The following RGL1 variants were observed in gnomAD, a reference collection of about 807,000 sequenced individuals.
RGL1 encodes the protein ral guanine nucleotide dissociation stimulator-like 1.
A neutral mutation model predicts 95.2 loss-of-function variants in RGL1; 24 were observed. The ratio of observed to expected loss-of-function variants is 0.25; its 90% CI spans 0.18 to 0.35. RGL1 has a LOEUF of 0.35. Among genes scored for constraint, RGL1 ranks in the 10% least tolerant of loss-of-function variants. The pLI is 1.00. For missense variants in RGL1, 715 were observed against 936.3 expected (o/e 0.76, Z 3.08); for synonymous variants, 329 against 344.9 (o/e 0.95, Z 0.51).
chr1:183,800,021 T>A (rs898776587), intron 2 of RGL1, among the ~76,000 whole-genome samples: 1 of 152,034 alleles, frequency 6.6e-6, no homozygotes, highest in Admixed American at 6.6e-5. Flanking sequence ...AAGAGACAAA[T>A]GAGAAAAATA....
chr1:183,653,304 T>C (rs1361824345), intron 1 of RGL1: 2 of 152,296 alleles, frequency 1.3e-5, no homozygotes, highest in Non-Finnish European at 2.9e-5. Flanking sequence ...TGGCTACCTC[T>C]AAGAACACTG....
At chr1:183,764,051 A>G (rs982679970) in intron 2 of RGL1, among the ~76,000 whole-genome samples, 1 of 152,220 alleles carries the variant, frequency 6.6e-6, no homozygotes. Context: ...AAGGAAGACA[A>G]TTGGCCTGAA....
chr1:183,910,004 T>C (rs935818550), intron 14 of RGL1, among the ~76,000 whole-genome samples: 5 of 152,346 alleles, frequency 3.3e-5, no homozygotes, highest in African/African-American at 1.2e-4. Flanking sequence ...TTGACTTCCA[T>C]GGTTACTTTT....
At chr1:183,647,828 C>A (rs763845580) in intron 1 of RGL1, 19 of 1,614,172 alleles carry the variant, frequency 1.2e-5, no homozygotes, top group Non-Finnish European at 1.6e-5. Context: ...TATTTAAGTG[C>A]CTTACGATAT....
chr1:183,658,109 T>A (rs1234492129), intron 1 of RGL1, among the ~76,000 whole-genome samples: 2 of 152,260 alleles, frequency 1.3e-5, no homozygotes, highest in Non-Finnish European at 2.9e-5. Context: ...AGCTCCAGTC[T>A]ACAGCTCCCA....
Position 183,897,874 on chromosome 1 carries a change from CG to C in RGL1, c.1209del (p.Leu404CysfsTer9). On this transcript the variant is annotated frameshift_variant, in exon 10 of 18. Coordinates refer to ENST00000360851, the MANE Select transcript of RGL1 (RefSeq NM_001297671.3). LOFTEE classifies it high-confidence loss of function. ...VKENQKRTQR[R>X]LQLQKDMGVM... Reference sequence around the variant, plus strand: ...AGAAAACCAGAAGCGTACCCAGAGGCGGCTGCAGCTCCAGAAGGACATGGTA... The same window carrying C: ...AGAAAACCAGAAGCGTACCCAGAGGCGCTGCAGCTCCAGAAGGACATGGTA... 1 of 1,613,920 alleles carries C rather than the reference CG, an allele frequency of 6.2e-7. No individual in the cohort carries two copies. Among genetic ancestry groups the C allele is most frequent in the Non-Finnish European group, 8.5e-7 (1 of 1,179,850 alleles).
At chr1:183,678,928 G>T (rs930551455) in intron 1 of RGL1, among the ~76,000 whole-genome samples, 1 of 152,148 alleles carries the variant, frequency 6.6e-6, no homozygotes, top group African/African-American at 2.4e-5. Flanking sequence ...TACTGAAGCC[G>T]CTAGGGCTGG....
intron 5 of RGL1, 24 bp downstream of exon 5, chr1:183,880,824 G>A (rs1381633107): frequency 1.2e-6 from 2 of 1,606,472 alleles, no homozygotes; most frequent in Non-Finnish European, 8.5e-7. Context: ...TGTTCCCAGG[G>A]AAAAGGCTAG....
chr1:183,827,692 C>T (rs772585421), intron 2 of RGL1, among the ~76,000 whole-genome samples: 33 of 152,218 alleles, frequency 2.2e-4, no homozygotes, highest in Non-Finnish European at 4.6e-4. Context: ...GCCTCTTAGT[C>T]CTTGAAAAAA....
intron 2 of RGL1, among the ~76,000 whole-genome samples, chr1:183,747,728 C>T (rs1312422691): frequency 4.6e-5 from 7 of 152,224 alleles, no homozygotes; most frequent in East Asian, 1.9e-4. Context: ...TTGCTGGATT[C>T]GGTTTGCCAG....
chr1:183,852,684 G>A (rs1040868934), intron 3 of RGL1, among the ~76,000 whole-genome samples: 1 of 152,002 alleles, frequency 6.6e-6, no homozygotes, highest in Non-Finnish European at 1.5e-5. Flanking sequence ...ATGGTGGCAG[G>A]CGTCTGTAGT....
At chr1:183,757,175 G>T (rs1360953116) in intron 2 of RGL1, among the ~76,000 whole-genome samples, 1 of 152,120 alleles carries the variant, frequency 6.6e-6, no homozygotes, top group Admixed American at 6.5e-5. Flanking sequence ...AAATTAAACT[G>T]GCGAATGTCT....
intron 1 of RGL1, among the ~76,000 whole-genome samples, chr1:183,687,627 C>T (rs1653681634): frequency 6.6e-6 from 1 of 152,108 alleles, no homozygotes; most frequent in African/African-American, 2.4e-5. Flanking sequence ...CAAGGCTCAA[C>T]AAATGACTGG....
intron 5 of RGL1, among the ~76,000 whole-genome samples, chr1:183,881,917 G>A (rs899957891): frequency 1.3e-5 from 2 of 152,332 alleles, no homozygotes; most frequent in African/African-American, 4.8e-5. Context: ...AGTGGGAAAC[G>A]CTGTGTTGGA....
Position 183,719,190 on chromosome 1 carries a change from A to G in RGL1, c.-32-22936A>G, listed in dbSNP as rs144849616. Among the ~76,000 whole-genome samples the G allele has an allele frequency of 3.7e-3, 557 of 152,318 alleles. 2 individuals carry two copies. Among genetic ancestry groups the G allele is most frequent in the South Asian group, 0.011 (55 of 4,826 alleles). ...CTGGAGTAGCACTTAGGGGCAAACT[A>G]CACTATTCATTTCATTCTTTCCTAC... On this transcript the variant is annotated intron_variant, in intron 1 of 18. Transcript: ENST00000304685.
At chr1:183,736,721 A>C (rs1431272503) in intron 1 of RGL1, among the ~76,000 whole-genome samples, 1 of 152,226 alleles carries the variant, frequency 6.6e-6, no homozygotes, top group Non-Finnish European at 1.5e-5. Flanking sequence ...AAGGGACTGG[A>C]ACAGGGTAAA....
chr1:183,866,543 C>T (rs1306785516), intron 4 of RGL1, among the ~76,000 whole-genome samples: 1 of 152,154 alleles, frequency 6.6e-6, no homozygotes, highest in African/African-American at 2.4e-5. Flanking sequence ...CACGGGAAAG[C>T]CTCTGAGGCA....
chr1:183,675,335 T>A (rs1652752387), intron 1 of RGL1, among the ~76,000 whole-genome samples: 1 of 151,008 alleles, frequency 6.6e-6, no homozygotes, highest in South Asian at 2.1e-4. Flanking sequence ...TTTCCCTCTA[T>A]CCTTCCTTCC....
chr1:183,922,414 A>G, intron 17 of RGL1, 78 bp downstream of exon 17: 1 of 1,061,402 alleles, frequency 9.4e-7, no homozygotes, highest in South Asian at 1.3e-5. Flanking sequence ...CCGCGTTTAG[A>G]AGGCAGAAAA....
Sources: gnomAD v4.1 joint callset for allele counts (sites outside exome capture counted in the v4.1 genomes callset) on GRCh38, gnomAD v4.1.1 for gene constraint, MANE v1.5 for transcripts, NCBI Gene and HGNC (gene_info 2026-07-23, HGNC 2026-07-21) for gene names.